Variants in MAP2K7 observed in about 807,000 individuals in gnomAD.
The protein encoded by MAP2K7 is dual specificity mitogen-activated protein kinase kinase 7.
A neutral mutation model predicts 47.7 loss-of-function variants in MAP2K7; 12 were observed. The ratio of observed to expected loss-of-function variants is 0.25; its 90% CI spans 0.16 to 0.41. The LOEUF is 0.41. Ranked by LOEUF, MAP2K7 falls within the 10% of genes least tolerant of loss-of-function variation. MAP2K7 has a pLI of 1.00. For synonymous variants in MAP2K7, 299 were observed against 243.0 expected, an observed-to-expected ratio of 1.23 and a Z score of -2.14; for missense variants, 415 against 600.3, an observed-to-expected ratio of 0.69 and a Z score of 3.23.
At chr19:7,906,114 TGAATGGGAGTC>T in intron 1 of MAP2K7, 1 of 532,222 alleles carries the variant, frequency 1.9e-6, no homozygotes. Flanking sequence ...GCTCCCCCAC[TGAATGGGAGTC>T]TGTGGCCTCC....
Position 7,911,421 on chromosome 19 carries a change from C to G in MAP2K7, c.937-15C>G, listed in dbSNP as rs752175019. 1.2e-6 allele frequency: 2 copies of G among 1,613,302 alleles called. No homozygotes were observed. The highest frequency in any genetic ancestry group is 2.2e-5 in the East Asian group (1 of 44,868). ...AGAACATAAACCTGTCCAGCCCTGC[C>G]CGTCTCCCTCCCAGGTGGAGCTGGC... On this transcript the variant is annotated splice_polypyrimidine_tract_variant and intron_variant, in intron 8 of 10. Coordinates refer to ENST00000397979, the MANE Select transcript of MAP2K7 (RefSeq NM_145185.4).
chr19:7,906,143 G>A (rs2145130584), intron 1 of MAP2K7: 1 of 489,254 alleles, frequency 2.0e-6, no homozygotes, highest in East Asian at 3.4e-5. Flanking sequence ...TCCGGGGGTG[G>A]GGGGGGTGCA....
chr19:7,907,405 CTTGCACGGCATGTGCGTGCAT>C (rs1431735469), intron 1 of MAP2K7, among the ~76,000 whole-genome samples: 1 of 152,202 alleles, frequency 6.6e-6, no homozygotes, highest in African/African-American at 2.4e-5. Context: ...CGTGCGTGCA[CTTGCACGGCATGTGCGTGCAT>C]GTTGACATGG....
At chr19:7,908,070 CAGG>C (rs1982578108) in intron 1 of MAP2K7, among the ~76,000 whole-genome samples, 1 of 151,704 alleles carries the variant, frequency 6.6e-6, no homozygotes, top group African/African-American at 2.4e-5. Flanking sequence ...GAGGCTGAGG[CAGG>C]AGAATCACTT....
Position 7,912,684 on chromosome 19 carries a change from G to T in MAP2K7, c.*253G>T, listed in dbSNP as rs1017874026. 1 of 553,914 alleles carries T rather than the reference G, an allele frequency of 1.8e-6. No individual in the cohort carries two copies. The highest frequency in any genetic ancestry group is 1.9e-5 in the African/African-American group (1 of 52,764). The allele number at this position is 553,914 out of a possible 1,614,324, so 34.3% of individuals were successfully genotyped here. On this transcript the variant is annotated 3_prime_UTR_variant, in exon 11 of 11. Transcript: ENST00000397979. ...CTGTGAACGGAAGACAGCAGGCCGC[G>T]ATCAGAGTCGCTGTTCATTCAGCCG...
At chr19:7,905,142 C>A (rs545740160) in intron 1 of MAP2K7, among the ~76,000 whole-genome samples, 21 of 152,176 alleles carry the variant, frequency 1.4e-4, no homozygotes, top group South Asian at 1.2e-3. Context: ...AACACCACCC[C>A]TGACCCATGA....
At chr19:7,905,589 G>C (rs1568274185) in intron 1 of MAP2K7, among the ~76,000 whole-genome samples, 1 of 152,162 alleles carries the variant, frequency 6.6e-6, no homozygotes, top group Non-Finnish European at 1.5e-5. Flanking sequence ...GCCGGTGGCA[G>C]GCAGGCCCCC....
In MAP2K7 at chr19:7,914,283, C is replaced by G. The variant is rs905354268; in HGVS notation, c.*1852C>G. 12 of 152,482 alleles carry G rather than the reference C, an allele frequency of 7.9e-5. No individual in the cohort carries two copies. The highest frequency in any genetic ancestry group is 3.9e-4 in the Admixed American group (6 of 15,292). 9.4% of individuals were successfully genotyped at this position (152,482 alleles called of 1,614,324 possible). A position where few individuals can be genotyped will look rare whatever the true frequency, so the allele number is the denominator to read the frequency against. Reference sequence around the variant, plus strand: ...TCCCAGCCTCTCCCAAGACCTCCCCCCTCGTCACCAGCCATCCCTCTGGAC... The same window carrying G: ...TCCCAGCCTCTCCCAAGACCTCCCCGCTCGTCACCAGCCATCCCTCTGGAC... On this transcript the variant is annotated 3_prime_UTR_variant, in exon 11 of 11. Coordinates refer to ENST00000397979, the MANE Select transcript of MAP2K7 (RefSeq NM_145185.4).
In MAP2K7 at chr19:7,909,858, G is replaced by T; in HGVS notation, c.228G>T (p.Gly76=). Residue 76 remains glycine (G), a synonymous_variant, in exon 2 of 11, where the codon GGG becomes GGT. Coordinates refer to ENST00000397979, the MANE Select transcript of MAP2K7 (RefSeq NM_145185.4). The part of the protein sequence containing the change: ...TPPARPRHML[G]LPSTLFTPRS... ...CCGCCCGGCCCCGCCACATGCTGGG[G>T]CTCCCGTCAACCCTGTTCACACCCC... 1 of 1,538,224 alleles carries T rather than the reference G, an allele frequency of 6.5e-7. No homozygotes were observed. Among genetic ancestry groups the T allele is most frequent in the Non-Finnish European group, 8.8e-7 (1 of 1,141,840 alleles).
rs1982958407 is a variant in MAP2K7, at chr19:7,912,524, C to A, written c.*93C>A. 2.1e-6 allele frequency: 3 copies of A among 1,436,508 alleles called. No homozygotes were observed. The Admixed American group carries it at 7.1e-5, about 34-fold the overall frequency. The allele number at this position is 1,436,508 out of a possible 1,614,324, so 89.0% of individuals were successfully genotyped here. On this transcript the variant is annotated 3_prime_UTR_variant, in exon 11 of 11. Coordinates refer to ENST00000397979, the MANE Select transcript of MAP2K7 (RefSeq NM_145185.4). Reference sequence around the variant, plus strand: ...CACCCAGCTGCCTGCCAGGGGAGACCTGGGACCTGGACGGCCACCTAGGAC... The same window carrying A: ...CACCCAGCTGCCTGCCAGGGGAGACATGGGACCTGGACGGCCACCTAGGAC...
chr19:7,911,795 G>A lies in MAP2K7; in HGVS notation c.1079+217G>A, dbSNP rs548191321. On this transcript the variant is annotated intron_variant, in intron 9 of 10. Coordinates refer to ENST00000397979, the MANE Select transcript of MAP2K7 (RefSeq NM_145185.4). ...GCCTGAGGGGACAGCCAGCCCTGTG[G>A]CATTTGGCGGGGTGGCTGTTGGAGA... is the stretch of plus-strand genomic sequence containing the variant. Among the ~76,000 whole-genome samples the A allele has an allele frequency of 2.6e-5, 4 of 152,334 alleles. No individual in the cohort carries two copies. In the South Asian group the frequency reaches 6.2e-4, roughly 24 times the overall value.
intron 1 of MAP2K7, among the ~76,000 whole-genome samples, chr19:7,907,609 C>T (rs879626689): frequency 1.3e-5 from 2 of 152,210 alleles, no homozygotes; most frequent in African/African-American, 2.4e-5. Flanking sequence ...TGTGTACCTC[C>T]TTCCCCCAGT....
In MAP2K7 at chr19:7,913,834, G is replaced by A. The variant is rs1048050083; in HGVS notation, c.*1403G>A. 4 of 152,198 alleles carry A rather than the reference G, an allele frequency of 2.6e-5. No individual in the cohort carries two copies. Among genetic ancestry groups the A allele is most frequent in the East Asian group, 3.9e-4 (2 of 5,184 alleles). The allele number at this position is 152,198 out of a possible 1,614,324, so 9.4% of individuals were successfully genotyped here. A position where few individuals can be genotyped will look rare whatever the true frequency, so the allele number is the denominator to read the frequency against. On this transcript the variant is annotated 3_prime_UTR_variant, in exon 11 of 11. Transcript: ENST00000397979. ...ATCCAACACCAAAGGCGCAGAAGCC[G>A]GCTGGCCGTGGTGGGGGCAGCGTAG...
At chr19:7,906,061 C>G (rs1982435333) in intron 1 of MAP2K7, 1 of 603,510 alleles carries the variant, frequency 1.7e-6, no homozygotes, top group African/African-American at 1.8e-5. Context: ...CTCCCCCTCC[C>G]TTACTCCCAG....
intron 1 of MAP2K7, 40 bp from the exon 2 acceptor site, chr19:7,909,715 C>T (rs771819390): frequency 1.7e-5 from 24 of 1,375,872 alleles, no homozygotes; most frequent in Non-Finnish European, 2.0e-5. Flanking sequence ...ACCAGCTGGG[C>T]GCTGACCCCC....
At position 7,911,150 on chromosome 19, in the gene MAP2K7, C is replaced by T. The variant is rs1258324772; in HGVS notation, c.846C>T (p.Ala282=). The T allele has an allele frequency of 1.2e-6, 2 of 1,610,930 alleles. No individual in the cohort carries two copies. The highest frequency in any genetic ancestry group is 1.7e-5 in the Admixed American group (1 of 59,952). Residue 282 remains alanine, a synonymous_variant, in exon 7 of 11, where the codon GCC becomes GCT. Transcript: ENST00000397979. Reference sequence around the variant, plus strand: ...AGACGCGGAGCGCCGGCTGTGCCGCCTACATGGCAGTGAGTGGGGGCCCCC... The same window carrying T: ...AGACGCGGAGCGCCGGCTGTGCCGCTTACATGGCAGTGAGTGGGGGCCCCC... The part of the protein sequence containing the change: ...KAKTRSAGCA[A]YMAPERIDPP...
rs1413307801 is a variant in MAP2K7, at chr19:7,913,691, CAGG to C, written c.*1264_*1266del. On this transcript the variant is annotated 3_prime_UTR_variant, in exon 11 of 11. Coordinates refer to ENST00000397979, the MANE Select transcript of MAP2K7 (RefSeq NM_145185.4). ...CCGGAGCCTGCTGGGGTGGCCAGAG[CAGG>C]AGGGGGTGTGTTTCCTTTTTGTGGG... 1 of 151,538 alleles carries C rather than the reference CAGG, an allele frequency of 6.6e-6. No homozygotes were observed. Among genetic ancestry groups the C allele is most frequent in the Non-Finnish European group, 1.5e-5 (1 of 67,896 alleles). The allele number at this position is 151,538 out of a possible 1,614,324, so 9.4% of individuals were successfully genotyped here. A position where few individuals can be genotyped will look rare whatever the true frequency, so the allele number is the denominator to read the frequency against.
At chr19:7,909,675 C>A in intron 1 of MAP2K7, 80 bp from the exon 2 acceptor site, 1 of 813,434 alleles carries the variant, frequency 1.2e-6, no homozygotes, top group South Asian at 1.6e-5. Flanking sequence ...GGTCCCGACC[C>A]CTCCCTGGAG....
intron 1 of MAP2K7, among the ~76,000 whole-genome samples, chr19:7,904,815 G>A (rs185835685): frequency 1.3e-4 from 20 of 152,012 alleles, no homozygotes; most frequent in Non-Finnish European, 2.1e-4. Context: ...CAGCCAGCCC[G>A]GTGACTTTGT....
Sources: allele counts gnomAD v4.1 joint callset (sites outside exome capture counted in the v4.1 genomes callset), GRCh38; gene constraint gnomAD v4.1.1; transcripts MANE v1.5; gene names NCBI Gene and HGNC (gene_info 2026-07-23, HGNC 2026-07-21).